FBXW7: variants seen among roughly 807,000 people sequenced by gnomAD.
The protein encoded by FBXW7 is F-box and WD repeat domain containing 7, also known as F-box/WD repeat-containing protein 7.
A neutral mutation model predicts 86.3 loss-of-function variants in FBXW7; 11 were observed. The ratio of observed to expected loss-of-function variants is 0.13; its 90% CI spans 0.08 to 0.21. The LOEUF is 0.21. Among genes scored for constraint, FBXW7 ranks in the 10% least tolerant of loss-of-function variants. The probability of loss-of-function intolerance (pLI) is 1.00; values close to 1 mark genes in which losing one functional copy is unlikely to be tolerated. For synonymous variants in FBXW7, 313 were observed against 297.9 expected (o/e 1.05, Z -0.52); for missense variants, 488 against 847.4 (o/e 0.58, Z 5.27).
chr4:152,465,084 A>C (rs1369673514), intron 2 of FBXW7, among the ~76,000 whole-genome samples: 1 of 152,166 alleles, frequency 6.6e-6, no homozygotes, highest in Non-Finnish European at 1.5e-5. Flanking sequence ...ATTGGTCAGC[A>C]GAGCAGCAAA....
chr4:152,506,155 G>A (rs777571739), intron 2 of FBXW7, among the ~76,000 whole-genome samples: 5 of 150,280 alleles, frequency 3.3e-5, no homozygotes, highest in South Asian at 4.2e-4. Flanking sequence ...TTTTTGAGAC[G>A]GAGTCTTGCT....
intron 4 of FBXW7, among the ~76,000 whole-genome samples, chr4:152,394,833 C>T (rs554692728): frequency 1.3e-5 from 2 of 152,038 alleles, no homozygotes; most frequent in Non-Finnish European, 2.9e-5. Flanking sequence ...ACAAGGTTAA[C>T]GGTTTGTGCA....
chr4:152,365,878 T>C (rs751401004), intron 4 of FBXW7, among the ~76,000 whole-genome samples: 23 of 152,210 alleles, frequency 1.5e-4, no homozygotes, highest in African/African-American at 2.4e-4. Context: ...TCTTCTCCAA[T>C]AGACTGTAAG....
Position 152,322,596 on chromosome 4 carries a change from C to T in FBXW7, c.*285G>A. On this transcript the variant is annotated 3_prime_UTR_variant, in exon 14 of 14. Coordinates refer to ENST00000281708, the MANE Select transcript of FBXW7 (RefSeq NM_001349798.2). Reference sequence around the variant, plus strand: ...GAAGAAAATAAAGAAATAATTGCACCTGGTTTGATTTAGAAAGTCTCATTT... The same window carrying T: ...GAAGAAAATAAAGAAATAATTGCACTTGGTTTGATTTAGAAAGTCTCATTT... 2.5e-6 allele frequency: 1 copy of T among 400,604 alleles called. No homozygotes were observed. Among genetic ancestry groups the T allele is most frequent in the Non-Finnish European group, 4.4e-6 (1 of 224,766 alleles). 24.8% of individuals were successfully genotyped at this position (400,604 alleles called of 1,614,324 possible). A position where few individuals can be genotyped will look rare whatever the true frequency, so the allele number is the denominator to read the frequency against.
At chr4:152,326,787 A>G (rs540982473) in intron 11 of FBXW7, among the ~76,000 whole-genome samples, 2 of 152,280 alleles carry the variant, frequency 1.3e-5, no homozygotes, top group South Asian at 4.1e-4. Context: ...TGGAATTTAA[A>G]CAGCTGCAGA....
At chr4:152,499,548 T>G (rs1560972022) in intron 2 of FBXW7, among the ~76,000 whole-genome samples, 1 of 151,788 alleles carries the variant, frequency 6.6e-6, no homozygotes, top group Non-Finnish European at 1.5e-5. Flanking sequence ...CATATGGAGG[T>G]AAGAACCAGA....
intron 4 of FBXW7, among the ~76,000 whole-genome samples, chr4:152,360,700 T>C (rs776591782): frequency 6.6e-5 from 10 of 152,028 alleles, no homozygotes; most frequent in Non-Finnish European, 1.2e-4. Flanking sequence ...AGGGTGACTG[T>C]AAAACTAGAA....
chr4:152,422,481 C>CACTT (rs143336468), intron 2 of FBXW7, among the ~76,000 whole-genome samples: 2,081 of 152,254 alleles, frequency 0.014, 24 homozygotes, highest in Middle Eastern at 0.037. Flanking sequence ...TTTGAGATGA[C>CACTT]ACTATGACAA....
At chr4:152,511,845 T>A (rs1367172853) in intron 2 of FBXW7, among the ~76,000 whole-genome samples, 1 of 152,184 alleles carries the variant, frequency 6.6e-6, no homozygotes, top group Admixed American at 6.5e-5. Flanking sequence ...AGTGTATGTG[T>A]GTGTAAGACA....
chr4:152,478,584 C>G (rs1186808218), intron 2 of FBXW7, among the ~76,000 whole-genome samples: 1 of 152,016 alleles, frequency 6.6e-6, no homozygotes, highest in Non-Finnish European at 1.5e-5. Context: ...ATAAGCCTAA[C>G]AGTGAAATTG....
At chr4:152,426,871 G>A (rs563156637) in intron 2 of FBXW7, among the ~76,000 whole-genome samples, 1 of 152,302 alleles carries the variant, frequency 6.6e-6, no homozygotes, top group East Asian at 1.9e-4. Context: ...GAAGGAAAGA[G>A]AAGGGCCACA....
intron 2 of FBXW7, among the ~76,000 whole-genome samples, chr4:152,489,946 A>T (rs1365047129): frequency 1.3e-5 from 2 of 151,284 alleles, no homozygotes; most frequent in African/African-American, 2.5e-5. Flanking sequence ...AGCATTCTTT[A>T]AAAAAAGCCT....
chr4:152,416,270 CACA>C (rs1409442816), intron 2 of FBXW7, among the ~76,000 whole-genome samples: 22 of 152,178 alleles, frequency 1.4e-4, no homozygotes, highest in African/African-American at 5.3e-4. Flanking sequence ...AGGTCACAAA[CACA>C]ACGTCAATTA....
rs532321490 is a variant in FBXW7, at chr4:152,322,795, TTTTTC to T, written c.*81_*85del. The T allele has an allele frequency of 9.6e-5, 149 of 1,555,228 alleles. 1 individual carries two copies. The highest frequency in any genetic ancestry group is 5.0e-4 in the African/African-American group (36 of 72,444). On this transcript the variant is annotated 3_prime_UTR_variant, in exon 14 of 14. Coordinates refer to ENST00000281708, the MANE Select transcript of FBXW7 (RefSeq NM_001349798.2). ...CCACTGAGAACAAGGGATTTTTTTC[TTTTTC>T]TTTTCTTTTTTTCTTTTTGCAGGGG...
At chr4:152,329,151 T>C (rs1729323445) in intron 10 of FBXW7, 1 of 151,992 alleles carries the variant, frequency 6.6e-6, no homozygotes, top group Non-Finnish European at 1.5e-5. Flanking sequence ...GTCAAGCTGA[T>C]TGCTTGGGCT....
chr4:152,509,636 A>G (rs1471337755), intron 2 of FBXW7, among the ~76,000 whole-genome samples: 2 of 152,242 alleles, frequency 1.3e-5, no homozygotes, highest in East Asian at 1.9e-4. Context: ...ATAATCTTAT[A>G]TAATTCCTGC....
intron 4 of FBXW7, among the ~76,000 whole-genome samples, chr4:152,372,477 A>C (rs1005211376): frequency 6.6e-6 from 1 of 151,998 alleles, no homozygotes; most frequent in African/African-American, 2.4e-5. Flanking sequence ...TCTCCAGCAA[A>C]ATATATGAAT....
At chr4:152,479,245 A>T (rs1233198875) in intron 2 of FBXW7, among the ~76,000 whole-genome samples, 1 of 152,168 alleles carries the variant, frequency 6.6e-6, no homozygotes, top group Non-Finnish European at 1.5e-5. Context: ...CTGAGTAGTG[A>T]AACATATCTT....
chr4:152,475,117 TATATTTATTTATATATATTAATAATAATA>T, intron 2 of FBXW7, among the ~76,000 whole-genome samples: 1 of 148,972 alleles, frequency 6.7e-6, no homozygotes, highest in Non-Finnish European at 1.5e-5. Flanking sequence ...TAAATATATG[TATATTTATTTATATATATTAATAATAATA>T]ATGATAATAA....
Sources: gnomAD v4.1 joint callset for allele counts (sites outside exome capture counted in the v4.1 genomes callset) on GRCh38, gnomAD v4.1.1 for gene constraint, MANE v1.5 for transcripts, NCBI Gene and HGNC (gene_info 2026-07-23, HGNC 2026-07-21) for gene names.